TANC2: variants seen among roughly 807,000 people sequenced by gnomAD.
TANC2 encodes protein TANC2.
In TANC2, 26 loss-of-function variants were observed where a neutral mutation model predicts 210.5. The ratio of observed to expected loss-of-function variants is 0.12; its 90% CI spans 0.09 to 0.17. The LOEUF (loss-of-function observed/expected upper bound fraction) is 0.17. TANC2 is among the 10% of genes least tolerant of loss of function. The pLI is 1.00. For missense variants in TANC2, 2,129 were observed against 2,608.9 expected (o/e 0.82, Z 4.01); for synonymous variants, 931 against 967.1 (o/e 0.96, Z 0.69).
chr17:63,400,406 T>A (rs556266420), intron 19 of TANC2, among the ~76,000 whole-genome samples: 13 of 152,356 alleles, frequency 8.5e-5, no homozygotes, highest in African/African-American at 3.1e-4. Flanking sequence ...AATAAAATTT[T>A]ATGGCCTCAG....
chr17:63,405,515 C>T (rs1216601595), intron 20 of TANC2, among the ~76,000 whole-genome samples: 1 of 152,340 alleles, frequency 6.6e-6, no homozygotes, highest in Non-Finnish European at 1.5e-5. Flanking sequence ...TCTCACATTT[C>T]ACAGCATCCA....
exon 8 of TANC2, chr17:63,237,956 A>G: frequency 1.3e-6 from 2 of 1,589,466 alleles, no homozygotes; most frequent in South Asian, 2.3e-5. Flanking sequence ...GAGTAGATGA[A>G]AACATGACTG....
intron 4 of TANC2, among the ~76,000 whole-genome samples, chr17:63,136,142 G>C (rs1250467928): frequency 1.3e-5 from 2 of 152,114 alleles, no homozygotes; most frequent in Non-Finnish European, 2.9e-5. Context: ...TTAAATCTCA[G>C]TTTCTTCTTG....
intron 4 of TANC2, among the ~76,000 whole-genome samples, chr17:63,131,222 A>C (rs993323512): frequency 3.3e-5 from 5 of 152,238 alleles, no homozygotes; most frequent in African/African-American, 1.2e-4. Flanking sequence ...TTCACAGCAC[A>C]GTTTCATAAA....
chr17:63,336,895 A>G (rs564575607), intron 11 of TANC2, among the ~76,000 whole-genome samples: 1 of 152,320 alleles, frequency 6.6e-6, no homozygotes, highest in South Asian at 2.1e-4. Context: ...CTGTAATAGT[A>G]GTGACTATGT....
intron 2 of TANC2, among the ~76,000 whole-genome samples, chr17:63,036,314 G>A (rs1280387161): frequency 6.6e-6 from 1 of 151,982 alleles, no homozygotes; most frequent in East Asian, 1.9e-4. Flanking sequence ...AGGTTGATGT[G>A]TTTGTTTGTT....
chr17:63,378,658 G>T (rs1467474614), intron 14 of TANC2, among the ~76,000 whole-genome samples: 2 of 152,206 alleles, frequency 1.3e-5, no homozygotes, highest in Non-Finnish European at 2.9e-5. Context: ...TCATAAACAG[G>T]TTTGGGATCT....
chr17:63,407,327 C>G (rs2147300055), intron 21 of TANC2, among the ~76,000 whole-genome samples: 1 of 152,270 alleles, frequency 6.6e-6, no homozygotes, highest in Admixed American at 6.5e-5. Context: ...TCCCTTCATT[C>G]TGCTGGGGAA....
chr17:63,257,358 G>C (rs1014882280), intron 8 of TANC2, among the ~76,000 whole-genome samples: 1 of 151,842 alleles, frequency 6.6e-6, no homozygotes, highest in Non-Finnish European at 1.5e-5. Flanking sequence ...ATAACATCTG[G>C]TTTCGGTTTT....
chr17:63,204,457 T>A (rs566033634), intron 7 of TANC2, among the ~76,000 whole-genome samples: 1 of 152,098 alleles, frequency 6.6e-6, no homozygotes, highest in South Asian at 2.1e-4. Flanking sequence ...ATCCCAACAG[T>A]AGTCTTTGCA....
intron 14 of TANC2, among the ~76,000 whole-genome samples, chr17:63,357,699 A>G (rs781449871): frequency 1.3e-5 from 2 of 152,234 alleles, no homozygotes; most frequent in Non-Finnish European, 2.9e-5. Context: ...TAGGTCAATG[A>G]GATGGAAATT....
intron 1 of TANC2, among the ~76,000 whole-genome samples, chr17:62,974,928 C>G (rs1301637751): frequency 6.6e-6 from 1 of 152,154 alleles, no homozygotes; most frequent in Non-Finnish European, 1.5e-5. Context: ...AATGGATGAT[C>G]TTTGGACCAG....
intron 9 of TANC2, among the ~76,000 whole-genome samples, chr17:63,277,981 G>A (rs1051805681): frequency 6.6e-6 from 1 of 152,088 alleles, no homozygotes; most frequent in Admixed American, 6.6e-5. Context: ...AGACCAGCCT[G>A]GGCAACATAG....
intron 9 of TANC2, among the ~76,000 whole-genome samples, chr17:63,272,595 A>G (rs146749877): frequency 1.3e-5 from 2 of 151,932 alleles, no homozygotes; most frequent in African/African-American, 4.8e-5. Flanking sequence ...TGAGCATGAA[A>G]TTTTTTTTAT....
intron 9 of TANC2, among the ~76,000 whole-genome samples, chr17:63,287,511 T>G (rs2044260299): frequency 6.6e-6 from 1 of 152,234 alleles, no homozygotes; most frequent in African/African-American, 2.4e-5. Context: ...TTTTGTATTC[T>G]TATACATATT....
At chr17:63,338,362 A>G (rs2046108331) in intron 11 of TANC2, among the ~76,000 whole-genome samples, 4 of 152,226 alleles carry the variant, frequency 2.6e-5, no homozygotes, top group Admixed American at 2.6e-4. Context: ...CAGTAAAATA[A>G]TGCTTTTTCT....
In TANC2 at chr17:62,980,632, C is replaced by G. The variant is rs533971360; in HGVS notation, c.-24+13883C>G. Among the ~76,000 whole-genome samples the G allele has an allele frequency of 3.3e-4, 50 of 152,288 alleles. No individual in the cohort carries two copies. The South Asian group carries it at 9.7e-3, about 30-fold the overall frequency. On this transcript the variant is annotated intron_variant, in intron 1 of 27. Transcript: ENST00000689528. ...TAGCCATTCAACTCTGTGGCATATC[C>G]TGTGCAGATGCTTTTAAACTCTCAG...
intron 5 of TANC2, among the ~76,000 whole-genome samples, chr17:63,182,003 C>T (rs1402771947): frequency 6.6e-6 from 1 of 152,136 alleles, no homozygotes; most frequent in Non-Finnish European, 1.5e-5. Context: ...CTGTCATTTC[C>T]ACAGAATTCC....
chr17:63,123,091 A>G (rs775528513), intron 4 of TANC2, among the ~76,000 whole-genome samples: 9 of 152,234 alleles, frequency 5.9e-5, no homozygotes, highest in Non-Finnish European at 1.3e-4. Flanking sequence ...TGGAGGAATA[A>G]GCAGATTGGT....
Sources: allele counts gnomAD v4.1 joint callset (sites outside exome capture counted in the v4.1 genomes callset), GRCh38; gene constraint gnomAD v4.1.1; transcripts MANE v1.5; gene names NCBI Gene and HGNC (gene_info 2026-07-23, HGNC 2026-07-21).